The following ATG16L1 variants were observed in gnomAD, a reference collection of about 807,000 sequenced individuals.
ATG16L1 encodes autophagy-related protein 16-1.
A neutral mutation model predicts 88.5 loss-of-function variants in ATG16L1; 37 were observed. That is an observed-to-expected ratio of 0.42 (90% CI 0.32 to 0.55). The LOEUF is 0.55. ATG16L1 is among the 20% of genes least tolerant of loss of function. The pLI is 0.13. For synonymous variants in ATG16L1, 301 were observed against 281.0 expected, an observed-to-expected ratio of 1.07 and a Z score of -0.71; for missense variants, 554 against 752.8, an observed-to-expected ratio of 0.74 and a Z score of 3.09.
chr2:233,270,478 C>G (rs909771344), intron 6 of ATG16L1, among the ~76,000 whole-genome samples: 1 of 152,284 alleles, frequency 6.6e-6, no homozygotes, highest in East Asian at 1.9e-4. Context: ...AAATAACCTT[C>G]CAAAAAGTTT....
At chr2:233,289,718 C>T (rs1699331556) in intron 12 of ATG16L1, 136 bp from the exon 13 acceptor site, 8 of 1,161,586 alleles carry the variant, frequency 6.9e-6, no homozygotes, top group East Asian at 2.4e-5. Flanking sequence ...GCTGTCTTAT[C>T]GCTTTGAGTG....
intron 17 of ATG16L1, 23 bp from the exon 18 acceptor site, chr2:233,294,234 C>T (rs781013231): frequency 1.3e-6 from 2 of 1,552,850 alleles, no homozygotes; most frequent in Non-Finnish European, 1.8e-6. Flanking sequence ...AAACTTGGTG[C>T]TTTTCTGATC....
intron 12 of ATG16L1, chr2:233,288,961 G>T: frequency 2.0e-6 from 1 of 510,182 alleles, no homozygotes; most frequent in Non-Finnish European, 4.0e-6. Flanking sequence ...AATCCCCCAG[G>T]GGTTTTAATT....
intron 16 of ATG16L1, among the ~76,000 whole-genome samples, chr2:233,293,001 A>C (rs558590510): frequency 1.3e-5 from 2 of 152,248 alleles, no homozygotes; most frequent in African/African-American, 4.8e-5. Flanking sequence ...TGTTTTGTTG[A>C]AGTCTGTAGA....
rs1054853084 is a variant in ATG16L1 at position 233,274,345 on chromosome 2, C to T, written c.852-331C>T. 1.1e-5 allele frequency: 5 copies of T among 463,106 alleles called. No individual in the cohort carries two copies. In the Admixed American group the frequency reaches 1.5e-4, roughly 14 times the overall value. The allele number at this position is 463,106 out of a possible 1,614,324, so 28.7% of individuals were successfully genotyped here. A position where few individuals can be genotyped will look rare whatever the true frequency, so the allele number is the denominator to read the frequency against. On this transcript the variant is annotated intron_variant, in intron 8 of 17. Coordinates refer to ENST00000392017, the MANE Select transcript of ATG16L1 (RefSeq NM_030803.7). The stretch of plus-strand genomic sequence containing the variant: ...TGCAAAAAAGACCAAAGAGCTACCT[C>T]TGAGCTAGCTGTTACATTAAGTTGA...
At chr2:233,279,360 C>T (rs894224243) in intron 10 of ATG16L1, among the ~76,000 whole-genome samples, 2 of 78,196 alleles carry the variant, frequency 2.6e-5, no homozygotes, top group African/African-American at 5.1e-5. Flanking sequence ...AACCTTTTTG[C>T]GGCTGAAAAG....
chr2:233,251,978 G>A, intron 1 of ATG16L1, 36 bp downstream of exon 1: 1 of 1,481,062 alleles, frequency 6.8e-7, no homozygotes, highest in Non-Finnish European at 9.0e-7. Context: ...AGTGGGGCGG[G>A]CGGGCCCCGC....
intron 13 of ATG16L1, 36 bp from the exon 14 acceptor site, chr2:233,290,212 C>T (rs1469337155): frequency 6.2e-7 from 1 of 1,600,398 alleles, no homozygotes; most frequent in Non-Finnish European, 8.6e-7. Context: ...CACGTTGGTG[C>T]CTCTGCTTGA....
intron 8 of ATG16L1, 152 bp from the exon 9 acceptor site, chr2:233,274,524 G>T: frequency 1.8e-6 from 1 of 559,672 alleles, no homozygotes; most frequent in Non-Finnish European, 3.1e-6. Flanking sequence ...ATTTTTTTGT[G>T]AATTGTTCTG....
rs545322862 is a variant in ATG16L1, at chr2:233,272,438, T to C, written c.708-528T>C. Among the ~76,000 whole-genome samples the C allele has an allele frequency of 3.0e-4, 46 of 152,362 alleles. 1 individual carries two copies. The highest frequency in any genetic ancestry group is 1.1e-3 in the African/African-American group (46 of 41,600). On this transcript the variant is annotated intron_variant, in intron 6 of 17. Coordinates refer to ENST00000392017, the MANE Select transcript of ATG16L1 (RefSeq NM_030803.7). ...TATTTTTTAAAGTAATATTTGAAAC[T>C]GGGTTAAGTTGGCTGTTGATTTCAT...
chr2:233,263,133 C>G lies in ATG16L1; in HGVS notation c.213C>G (p.Pro71=), dbSNP rs374551406. The G allele has an allele frequency of 1.9e-6, 3 of 1,613,876 alleles. No individual in the cohort carries two copies. Among genetic ancestry groups the G allele is most frequent in the East Asian group, 2.2e-5 (1 of 44,876 alleles). ...HDVPNRHEIS[P]GHDGTWNDNQ... ...TCTGCCTGGTTTGCCAATTTAGTCC[C>G]GGACATGATGGCACATGGAATGACA... Residue 71 remains proline (P), a synonymous_variant, in exon 3 of 18, where the codon CCC becomes CCG. Transcript: ENST00000392017.
At chr2:233,292,478 A>T (rs770832798) in intron 16 of ATG16L1, 44 bp downstream of exon 16, 4 of 1,611,074 alleles carry the variant, frequency 2.5e-6, no homozygotes, top group Admixed American at 1.7e-5. Flanking sequence ...CATCACAAAG[A>T]GTCCTGCATG....
chr2:233,286,621 C>CATTTTTTTTTTTTTTTTTTTTTTTT (rs34087184), intron 12 of ATG16L1, among the ~76,000 whole-genome samples: 1 of 93,290 alleles, frequency 1.1e-5, no homozygotes, highest in Non-Finnish European at 2.0e-5. Flanking sequence ...GAAGCCCAAA[C>CATTTTTTTTTTTTTTTTTTTTTTTT]TTTTTTTTTT....
chr2:233,281,320 A>T (rs1698706287), intron 11 of ATG16L1, 145 bp downstream of exon 11: 1 of 656,736 alleles, frequency 1.5e-6, no homozygotes, highest in African/African-American at 1.8e-5. Context: ...ATGGAAATAG[A>T]TTATAGGGTT....
chr2:233,274,725 C>A lies in ATG16L1; in HGVS notation c.901C>A (p.His301Asn). ...FPVPQDNVDT[H>N]PGSGKEVRVP... ...AGTCCCCCAGGACAATGTGGATACT[C>A]ATCCTGGTTCTGGTAAAGAAGTGAG... The change falls in exon 9 of 18, where the codon CAT becomes AAT. Residue 301 changes from histidine (H) to asparagine (N), a missense_variant. Physicochemically the swap from His to Asn is moderately conservative, Grantham distance 68. Coordinates refer to ENST00000392017, the MANE Select transcript of ATG16L1 (RefSeq NM_030803.7). The A allele has an allele frequency of 6.2e-7, 1 of 1,612,844 alleles. No individual in the cohort carries two copies. The highest frequency in any genetic ancestry group is 1.3e-5 in the African/African-American group (1 of 75,002).
rs1478234287 is a variant in ATG16L1, at chr2:233,270,035, A to G, written c.675A>G (p.Ala225=). The G allele has an allele frequency of 1.3e-6, 2 of 1,589,254 alleles. No individual in the cohort carries two copies. Among genetic ancestry groups the G allele is most frequent in the African/African-American group, 1.4e-5 (1 of 72,784 alleles). The change falls in exon 6 of 18, where the codon GCA becomes GCG. Residue 225 remains alanine, a synonymous_variant. Coordinates refer to ENST00000392017, the MANE Select transcript of ATG16L1 (RefSeq NM_030803.7). ...AAGCCCGGCTGCAGAAAGAGCTTGC[A>G]GAAGCAGCAAAGGAACCTCTACCAG... ...RRQARLQKEL[A]EAAKEPLPVE...
Position 233,282,670 on chromosome 2 carries a change from T to G in ATG16L1, c.1132-12T>G. The G allele has an allele frequency of 6.2e-7, 1 of 1,613,686 alleles. No individual in the cohort carries two copies. The highest frequency in any genetic ancestry group is 8.5e-7 in the Non-Finnish European group (1 of 1,179,632). Reference sequence around the variant, plus strand: ...GGCTAAAAATTGGTTTTCCTCTTCTTTATTCCCACAGGGATCTTACCTCTT... The same window carrying G: ...GGCTAAAAATTGGTTTTCCTCTTCTGTATTCCCACAGGGATCTTACCTCTT... On this transcript the variant is annotated splice_polypyrimidine_tract_variant and intron_variant, in intron 11 of 17. Transcript: ENST00000392017.
intron 1 of ATG16L1, among the ~76,000 whole-genome samples, chr2:233,254,883 G>C (rs1442346414): frequency 6.6e-6 from 1 of 152,086 alleles, no homozygotes; most frequent in Non-Finnish European, 1.5e-5. Context: ...GTCTTGTTCT[G>C]CTTGGTACCT....
intron 6 of ATG16L1, among the ~76,000 whole-genome samples, chr2:233,272,750 GT>G (rs1220422307): frequency 6.6e-6 from 1 of 152,224 alleles, no homozygotes; most frequent in African/African-American, 2.4e-5. Flanking sequence ...TTTATTCTCA[GT>G]TGAAATTCTG....
Sources: gnomAD v4.1 joint callset for allele counts (sites outside exome capture counted in the v4.1 genomes callset) on GRCh38, gnomAD v4.1.1 for gene constraint, MANE v1.5 for transcripts, NCBI Gene and HGNC (gene_info 2026-07-23, HGNC 2026-07-21) for gene names.